DDR2: variants seen among roughly 807,000 people sequenced by gnomAD.
DDR2 encodes discoidin domain receptor tyrosine kinase 2.
In DDR2, 27 loss-of-function variants were observed where a neutral mutation model predicts 94.9. The observed-to-expected ratio is 0.28, with a 90% CI of 0.21 to 0.39. The LOEUF (loss-of-function observed/expected upper bound fraction) is 0.39, where lower values mean the gene tolerates loss of function less well. Among genes scored for constraint, DDR2 ranks in the 10% least tolerant of loss-of-function variants. The pLI is 1.00. For missense variants in DDR2, 783 were observed against 1,076.0 expected, an observed-to-expected ratio of 0.73 and a Z score of 3.81; for synonymous variants, 382 against 377.2, an observed-to-expected ratio of 1.01 and a Z score of -0.15.
chr1:162,644,934 A>G (rs1277016604), intron 1 of DDR2, among the ~76,000 whole-genome samples: 1 of 152,220 alleles, frequency 6.6e-6, no homozygotes, highest in Non-Finnish European at 1.5e-5. Flanking sequence ...CATAGCTTTA[A>G]GTGTAGAGTA....
chr1:162,769,648 C>G (rs569568897), intron 11 of DDR2, among the ~76,000 whole-genome samples: 1 of 152,160 alleles, frequency 6.6e-6, no homozygotes, highest in Non-Finnish European at 1.5e-5. Flanking sequence ...TGGCATTTGC[C>G]TTTTGATGGA....
rs775725996 is a variant in DDR2 at position 162,754,540 on chromosome 1, C to T, written c.186-84C>T. The T allele has an allele frequency of 6.1e-5, 84 of 1,382,832 alleles. 1 individual carries two copies. The highest frequency in any genetic ancestry group is 8.3e-5 in the Non-Finnish European group (81 of 973,342). 85.7% of individuals were successfully genotyped at this position (1,382,832 alleles called of 1,614,324 possible). A position where few individuals can be genotyped will look rare whatever the true frequency, so the allele number is the denominator to read the frequency against. On this transcript the variant is annotated intron_variant, in intron 4 of 17. Transcript: ENST00000367921. ...GACAGCCTGCTCTCTCCCCTCAGTA[C>T]AGGGCAGCTGCTTGCCTGTGAACCA...
intron 2 of DDR2, among the ~76,000 whole-genome samples, chr1:162,667,255 G>C (rs560914526): frequency 1.3e-5 from 2 of 152,204 alleles, no homozygotes; most frequent in South Asian, 4.1e-4. Context: ...TAAGGCACTT[G>C]AACACTTATT....
intron 5 of DDR2, 60 bp from the exon 6 acceptor site, chr1:162,755,096 T>C (rs543401205): frequency 6.6e-5 from 106 of 1,610,108 alleles, no homozygotes; most frequent in Non-Finnish European, 6.4e-5. Context: ...CGTGGTGGGG[T>C]GAAGAAAAGT....
intron 8 of DDR2, among the ~76,000 whole-genome samples, chr1:162,760,702 A>G (rs1232349661): frequency 6.6e-6 from 1 of 151,934 alleles, no homozygotes; most frequent in African/African-American, 2.4e-5. Flanking sequence ...GTCAGGCCTT[A>G]TAAAACCTGG....
chr1:162,636,896 T>G (rs1270690027), intron 1 of DDR2, among the ~76,000 whole-genome samples: 2 of 152,122 alleles, frequency 1.3e-5, no homozygotes, highest in East Asian at 3.9e-4. Context: ...CTCTTATGAA[T>G]CCAAAAAAAC....
intron 3 of DDR2, among the ~76,000 whole-genome samples, chr1:162,744,768 T>A (rs555387492): frequency 6.6e-6 from 1 of 152,294 alleles, no homozygotes; most frequent in East Asian, 1.9e-4. Flanking sequence ...GTCATTTGTG[T>A]TGTTTCCATG....
At chr1:162,716,258 G>A (rs912444569) in intron 2 of DDR2, among the ~76,000 whole-genome samples, 3 of 152,224 alleles carry the variant, frequency 2.0e-5, no homozygotes, top group Middle Eastern at 3.4e-3. Flanking sequence ...AGGTGCCACA[G>A]GAGAGAGAGA....
chr1:162,771,732 A>C (rs1647228294), intron 12 of DDR2, among the ~76,000 whole-genome samples: 1 of 152,206 alleles, frequency 6.6e-6, no homozygotes, highest in South Asian at 2.1e-4. Context: ...TCCCACCCTG[A>C]TATACCATGA....
rs115220549 is a variant in DDR2 at position 162,746,487 on chromosome 1, G to A, written c.83-6608G>A. Among the ~76,000 whole-genome samples, 1,060 of 152,332 alleles carry A rather than the reference G, an allele frequency of 7.0e-3. 4 individuals carry two copies. The highest frequency in any genetic ancestry group is 0.017 in the East Asian group (86 of 5,178). On this transcript the variant is annotated intron_variant, in intron 3 of 17. Transcript: ENST00000367921. Reference sequence around the variant, plus strand: ...GAAGCCGGGAAGGTCGAACTGGGTGGTACCCATCACAGCTCAACCAGGCCT... The same window carrying A: ...GAAGCCGGGAAGGTCGAACTGGGTGATACCCATCACAGCTCAACCAGGCCT...
intron 2 of DDR2, among the ~76,000 whole-genome samples, chr1:162,676,689 G>C (rs528837444): frequency 6.6e-6 from 1 of 152,314 alleles, no homozygotes; most frequent in African/African-American, 2.4e-5. Flanking sequence ...AATACTTTGG[G>C]GGAGCCAGTG....
In DDR2 at chr1:162,641,990, G is replaced by T. The variant is rs140059281; in HGVS notation, c.-192+9359G>T. Reference sequence around the variant, plus strand: ...TTTTGAGACAGAGTCTCTCCCTGTCGCCCAGGCTAGAGTGCAGTGGCGGGA... The same window carrying T: ...TTTTGAGACAGAGTCTCTCCCTGTCTCCCAGGCTAGAGTGCAGTGGCGGGA... On this transcript the variant is annotated intron_variant, in intron 1 of 17. Transcript: ENST00000367921. Among the ~76,000 whole-genome samples, 287 of 152,058 alleles carry T rather than the reference G, an allele frequency of 1.9e-3. 4 individuals are homozygous for T. The East Asian group carries it at 0.043, about 23-fold the overall frequency.
intron 1 of DDR2, among the ~76,000 whole-genome samples, chr1:162,639,518 C>T (rs1461656943): frequency 6.6e-6 from 1 of 152,090 alleles, no homozygotes; most frequent in Non-Finnish European, 1.5e-5. Context: ...AATGTAAATG[C>T]AAAACAATGA....
chr1:162,755,815 AAAG>A (rs749982649), intron 7 of DDR2, 46 bp downstream of exon 7: 1 of 1,451,742 alleles, frequency 6.9e-7, no homozygotes, highest in African/African-American at 1.4e-5. Context: ...GGCCACTAAG[AAAG>A]AATAATATTT....
At chr1:162,713,038 C>T (rs545988119) in intron 2 of DDR2, among the ~76,000 whole-genome samples, 4 of 152,214 alleles carry the variant, frequency 2.6e-5, no homozygotes, top group Admixed American at 6.5e-5. Flanking sequence ...GACTTAGGGC[C>T]GTACTTTTCT....
chr1:162,645,760 T>C (rs1444499792), intron 1 of DDR2, among the ~76,000 whole-genome samples: 2 of 152,216 alleles, frequency 1.3e-5, no homozygotes, highest in African/African-American at 4.8e-5. Flanking sequence ...TCATCGAATG[T>C]CAGTTTCTAT....
At chr1:162,705,449 T>G (rs1325318411) in intron 2 of DDR2, among the ~76,000 whole-genome samples, 1 of 152,174 alleles carries the variant, frequency 6.6e-6, no homozygotes, top group Non-Finnish European at 1.5e-5. Flanking sequence ...TTTGTGATAT[T>G]TAAAGCAGCC....
chr1:162,717,378 T>A (rs1027756155), intron 2 of DDR2, among the ~76,000 whole-genome samples: 1 of 152,324 alleles, frequency 6.6e-6, no homozygotes, highest in African/African-American at 2.4e-5. Context: ...GTGAAGCTAG[T>A]ACAGGGAATC....
intron 1 of DDR2, among the ~76,000 whole-genome samples, chr1:162,642,165 C>T (rs1020125322): frequency 6.6e-6 from 1 of 152,026 alleles, no homozygotes; most frequent in Admixed American, 6.6e-5. Flanking sequence ...CCATGTTGGC[C>T]AGGCTGGTCT....
Sources: gnomAD v4.1 joint callset for allele counts (sites outside exome capture counted in the v4.1 genomes callset) on GRCh38, gnomAD v4.1.1 for gene constraint, MANE v1.5 for transcripts, NCBI Gene and HGNC (gene_info 2026-07-23, HGNC 2026-07-21) for gene names.